The following PIK3AP1 variants were observed in gnomAD, a reference collection of about 807,000 sequenced individuals.
PIK3AP1 encodes phosphoinositide-3-kinase adaptor protein 1.
PIK3AP1 carries 21 observed loss-of-function variants against 88.1 expected under a neutral mutation model. That is an observed-to-expected ratio of 0.24 (90% CI 0.17 to 0.34). The LOEUF (loss-of-function observed/expected upper bound fraction) is 0.34. PIK3AP1 is among the 10% of genes least tolerant of loss of function. PIK3AP1 has a pLI of 1.00. For missense variants in PIK3AP1, 828 were observed against 1,035.7 expected (o/e 0.80, Z 2.75); for synonymous variants, 398 against 400.0 (o/e 1.00, Z 0.06).
chr10:96,633,832 A>G (rs761190291), intron 8 of PIK3AP1, among the ~76,000 whole-genome samples: 2 of 152,236 alleles, frequency 1.3e-5, no homozygotes, highest in Non-Finnish European at 2.9e-5. Context: ...GAATATACCT[A>G]AAGTAAGGGA....
At chr10:96,625,095 G>A (rs1843137334) in intron 10 of PIK3AP1, among the ~76,000 whole-genome samples, 1 of 152,154 alleles carries the variant, frequency 6.6e-6, no homozygotes, top group South Asian at 2.1e-4. Flanking sequence ...TTACACTGCG[G>A]GCAACCTAGG....
intron 2 of PIK3AP1, among the ~76,000 whole-genome samples, chr10:96,698,559 AAAACTAAACT>A (rs910020725): frequency 1.3e-4 from 20 of 151,544 alleles, no homozygotes; most frequent in African/African-American, 4.9e-4. Flanking sequence ...AACTAAACTA[AAAACTAAACT>A]AAACTAAACT....
intron 1 of PIK3AP1, among the ~76,000 whole-genome samples, chr10:96,713,915 T>C (rs4309091): frequency 0.51 from 78,065 of 151,880 alleles, 20,260 homozygotes; most frequent in Middle Eastern, 0.64. Context: ...GGCTCAAGCC[T>C]GTAATCCCAG....
chr10:96,645,743 G>T, intron 7 of PIK3AP1, 81 bp from the exon 8 acceptor site: 1 of 1,257,054 alleles, frequency 8.0e-7, no homozygotes, highest in Non-Finnish European at 1.1e-6. Context: ...GGCACTTGTG[G>T]CCAGCAAAGT....
intron 13 of PIK3AP1, among the ~76,000 whole-genome samples, chr10:96,611,872 G>A (rs181245299): frequency 1.2e-4 from 18 of 152,088 alleles, no homozygotes; most frequent in East Asian, 1.9e-4. Flanking sequence ...AAATACACAG[G>A]AAAAAATAGG....
intron 1 of PIK3AP1, 97 bp from the exon 2 acceptor site, chr10:96,710,080 G>A: frequency 8.0e-7 from 1 of 1,252,192 alleles, no homozygotes; most frequent in East Asian, 2.4e-5. Context: ...CACTGGGTCT[G>A]GCACCCACAA....
At chr10:96,675,649 T>C (rs991256759) in intron 2 of PIK3AP1, among the ~76,000 whole-genome samples, 35 of 152,208 alleles carry the variant, frequency 2.3e-4, no homozygotes, top group Admixed American at 6.5e-5. Context: ...ACTGGATGGC[T>C]ATCTTGGGCA....
Position 96,713,585 on chromosome 10 carries a change from G to A in PIK3AP1, c.14-3602C>T, listed in dbSNP as rs190631684. Among the ~76,000 whole-genome samples, 3 of 151,546 alleles carry A rather than the reference G, an allele frequency of 2.0e-5. No individual in the cohort carries two copies. In the East Asian group the frequency reaches 5.8e-4, roughly 29 times the overall value. On this transcript the variant is annotated intron_variant, in intron 1 of 16. Coordinates refer to ENST00000339364, the MANE Select transcript of PIK3AP1 (RefSeq NM_152309.3). Reference sequence around the variant, plus strand: ...TATAGTCCCAGCTACTCAGGAGACTGAGGTAGGAGGATTGCTTGAGACTGA... The same window carrying A: ...TATAGTCCCAGCTACTCAGGAGACTAAGGTAGGAGGATTGCTTGAGACTGA...
chr10:96,701,051 T>C lies in PIK3AP1; in HGVS notation c.430+8516A>G, dbSNP rs75741777. 1,862 of 195,906 alleles carry C rather than the reference T, an allele frequency of 9.5e-3. 16 individuals are homozygous for C. The highest frequency in any genetic ancestry group is 0.013 in the Non-Finnish European group (1,348 of 107,716). 12.1% of individuals were successfully genotyped at this position (195,906 alleles called of 1,614,324 possible). A position where few individuals can be genotyped will look rare whatever the true frequency, so the allele number is the denominator to read the frequency against. ...CCAGGCATGGAGCAAAGCTCAAAGC[T>C]GGGCTGCATAGCAGAACCAACTTGA... On this transcript the variant is annotated intron_variant, in intron 2 of 16. Transcript: ENST00000339364.
intron 7 of PIK3AP1, among the ~76,000 whole-genome samples, chr10:96,647,761 CTG>C (rs1791625822): frequency 6.6e-6 from 1 of 152,210 alleles, no homozygotes; most frequent in African/African-American, 2.4e-5. Flanking sequence ...CAAGACCGGG[CTG>C]TGTTTATTGC....
intron 2 of PIK3AP1, among the ~76,000 whole-genome samples, chr10:96,678,457 G>T (rs1334114184): frequency 6.6e-6 from 1 of 151,428 alleles, no homozygotes; most frequent in African/African-American, 2.4e-5. Context: ...TTTTGTAAAG[G>T]CAGGGTTTAT....
At position 96,663,643 on chromosome 10, in the gene PIK3AP1, A is replaced by AG. The variant is rs1343386685; in HGVS notation, c.431-6710_431-6709insC. Among the ~76,000 whole-genome samples the AG allele has an allele frequency of 2.7e-5, 4 of 150,932 alleles. No homozygotes were observed. The East Asian group carries it at 7.7e-4, about 29-fold the overall frequency. On this transcript the variant is annotated intron_variant, in intron 2 of 16. Coordinates refer to ENST00000339364, the MANE Select transcript of PIK3AP1 (RefSeq NM_152309.3). The stretch of plus-strand genomic sequence containing the variant: ...AGACTCCGTCAAAAAAAAAAAAAAA[A>AG]AAAAAAAAAAAGAAACCCATTGGCA...
Position 96,652,656 on chromosome 10 carries a change from C to T in PIK3AP1, c.712+42G>A, listed in dbSNP as rs112325811. 1.2e-4 allele frequency: 186 copies of T among 1,604,106 alleles called. No homozygotes were observed. In the African/African-American group the frequency reaches 2.1e-3, roughly 18 times the overall value. ...CATTGGTGACAGCATAGCAAATAAG[C>T]AATGAAGCCCTATGTCATCACATTC... On this transcript the variant is annotated intron_variant, in intron 4 of 16. Transcript: ENST00000339364.
At chr10:96,667,704 A>T (rs1236813244) in intron 2 of PIK3AP1, among the ~76,000 whole-genome samples, 2 of 152,262 alleles carry the variant, frequency 1.3e-5, no homozygotes, top group Admixed American at 6.5e-5. Context: ...AAGAAAAAAA[A>T]AAATAAAAGT....
At chr10:96,597,676 G>GTACCA (rs1554951250) in intron 16 of PIK3AP1, among the ~76,000 whole-genome samples, 1 of 152,154 alleles carries the variant, frequency 6.6e-6, no homozygotes, top group African/African-American at 2.4e-5. Context: ...CTACGTTGGA[G>GTACCA]TACCATGTGA....
At position 96,697,198 on chromosome 10, in the gene PIK3AP1, C is replaced by T. The variant is rs528510500; in HGVS notation, c.430+12369G>A. On this transcript the variant is annotated intron_variant, in intron 2 of 16. Coordinates refer to ENST00000339364, the MANE Select transcript of PIK3AP1 (RefSeq NM_152309.3). Reference sequence around the variant, plus strand: ...ACTCCGTGATAAGTAGCTGTTCTCTCGTTATAGGTATTAGCCCACCCCGAG... The same window carrying T: ...ACTCCGTGATAAGTAGCTGTTCTCTTGTTATAGGTATTAGCCCACCCCGAG... 1.3e-4 allele frequency among the ~76,000 whole-genome samples: 20 copies of T among 152,308 alleles called. 1 individual carries two copies. In the South Asian group the frequency reaches 2.5e-3, roughly 19 times the overall value.
At position 96,616,664 on chromosome 10, in the gene PIK3AP1, C is replaced by T. The variant is rs780566209; in HGVS notation, c.1989G>A (p.Glu663=). Residue 663 remains glutamate, a synonymous_variant, in exon 13 of 17, where the codon GAG becomes GAA. Coordinates refer to ENST00000339364, the MANE Select transcript of PIK3AP1 (RefSeq NM_152309.3). ...CTGTCTGCTTTCCTGATTTTTGCTT[C>T]TCTCTCTGTCTTCGGGTGATGCTGT... ...LRDSITRRQR[E]KQKSGKQTDL... The T allele has an allele frequency of 6.2e-7, 1 of 1,614,236 alleles. No individual in the cohort carries two copies. Among genetic ancestry groups the T allele is most frequent in the Admixed American group, 1.7e-5 (1 of 60,034 alleles).
chr10:96,635,096 C>A (rs1378220397), intron 8 of PIK3AP1, among the ~76,000 whole-genome samples: 1 of 152,190 alleles, frequency 6.6e-6, no homozygotes, highest in Non-Finnish European at 1.5e-5. Context: ...GGATTTTCTC[C>A]ATATCTTGAA....
At chr10:96,656,995 C>T in intron 2 of PIK3AP1, 61 bp from the exon 3 acceptor site, 1 of 1,580,242 alleles carries the variant, frequency 6.3e-7, no homozygotes, top group Non-Finnish European at 8.7e-7. Flanking sequence ...GGACATGTTC[C>T]ACCCCATGAG....
Sources: gnomAD v4.1 joint callset for allele counts (sites outside exome capture counted in the v4.1 genomes callset) on GRCh38, gnomAD v4.1.1 for gene constraint, MANE v1.5 for transcripts, NCBI Gene and HGNC (gene_info 2026-07-23, HGNC 2026-07-21) for gene names.